SWAP70: variants seen among roughly 807,000 people sequenced by gnomAD.
The protein encoded by SWAP70 is switching B cell complex subunit SWAP70, also known as switch-associated protein 70.
Under a neutral mutation model 80.2 loss-of-function variants are expected in SWAP70, and 34 were observed. The ratio of observed to expected loss-of-function variants is 0.42; its 90% CI spans 0.32 to 0.56. The LOEUF is 0.56. Ranked by LOEUF, SWAP70 falls within the 20% of genes least tolerant of loss-of-function variation. The pLI, the probability that SWAP70 is intolerant of heterozygous loss-of-function variation, is 0.09. For synonymous variants in SWAP70, 239 were observed against 238.5 expected, an observed-to-expected ratio of 1.00 and a Z score of -0.02; for missense variants, 578 against 690.7, an observed-to-expected ratio of 0.84 and a Z score of 1.83.
intron 2 of SWAP70, among the ~76,000 whole-genome samples, chr11:9,710,669 T>A (rs11604967): frequency 0.22 from 33,691 of 151,194 alleles, 4,835 homozygotes; most frequent in Non-Finnish European, 0.32. Flanking sequence ...TTTTTTTTTT[T>A]AATTTTCAAA....
At chr11:9,712,034 C>T (rs899680424) in intron 2 of SWAP70, among the ~76,000 whole-genome samples, 1 of 152,134 alleles carries the variant, frequency 6.6e-6, no homozygotes, top group African/African-American at 2.4e-5. Context: ...ATCTGTTTGA[C>T]TCTTGATGCT....
At chr11:9,672,211 A>G (rs1850425834) in intron 1 of SWAP70, among the ~76,000 whole-genome samples, 2 of 130,838 alleles carry the variant, frequency 1.5e-5, no homozygotes, top group African/African-American at 2.8e-5. Flanking sequence ...ATATATATAT[A>G]TATATATATA....
At chr11:9,671,609 G>T (rs373185283) in intron 1 of SWAP70, among the ~76,000 whole-genome samples, 158 of 15,460 alleles carry the variant, frequency 0.01, 10 homozygotes, top group Middle Eastern at 0.1. Flanking sequence ...TATTTATATA[G>T]AAATATATTT....
intron 7 of SWAP70, among the ~76,000 whole-genome samples, chr11:9,737,213 G>A (rs762675587): frequency 8.5e-5 from 13 of 152,182 alleles, no homozygotes; most frequent in Admixed American, 2.0e-4. Context: ...CCCCTCCCAG[G>A]AAGGTATCAT....
chr11:9,719,271 G>A lies in SWAP70; in HGVS notation c.415-5387G>A, dbSNP rs113876192. On this transcript the variant is annotated intron_variant, in intron 3 of 11. Coordinates refer to ENST00000318950, the MANE Select transcript of SWAP70 (RefSeq NM_015055.4). The stretch of plus-strand genomic sequence containing the variant: ...AATATAAAAAATTAGCCAGGCAGGG[G>A]TGCTGAAGTGGGAGAATCGCTTTAG... Among the ~76,000 whole-genome samples, 682 of 151,914 alleles carry A rather than the reference G, an allele frequency of 4.5e-3. 4 individuals are homozygous for A. The highest frequency in any genetic ancestry group is 0.016 in the African/African-American group (646 of 41,432).
At chr11:9,722,529 C>G (rs1469263357) in intron 3 of SWAP70, among the ~76,000 whole-genome samples, 1 of 152,128 alleles carries the variant, frequency 6.6e-6, no homozygotes, top group Non-Finnish European at 1.5e-5. Flanking sequence ...GATTTTTGGT[C>G]CTTTGGTTGG....
chr11:9,687,443 T>C (rs1232683930), intron 1 of SWAP70, among the ~76,000 whole-genome samples: 3 of 152,248 alleles, frequency 2.0e-5, no homozygotes, highest in African/African-American at 7.2e-5. Context: ...TCCACAAGAA[T>C]GATTTGAATA....
At chr11:9,689,516 T>C (rs1850670392) in intron 1 of SWAP70, among the ~76,000 whole-genome samples, 1 of 152,248 alleles carries the variant, frequency 6.6e-6, no homozygotes, top group South Asian at 2.1e-4. Flanking sequence ...TTAGCAATTA[T>C]GTGGGTGCTG....
chr11:9,736,384 T>C (rs979887711), intron 7 of SWAP70, among the ~76,000 whole-genome samples: 8 of 144,704 alleles, frequency 5.5e-5, no homozygotes, highest in Admixed American at 2.1e-4. Context: ...GCCTGCTTTT[T>C]CCCTGTATAT....
intron 3 of SWAP70, among the ~76,000 whole-genome samples, chr11:9,723,131 T>C (rs1851161539): frequency 6.6e-6 from 1 of 152,086 alleles, no homozygotes; most frequent in South Asian, 2.1e-4. Flanking sequence ...CTGGCTTTTG[T>C]TTTAGAAAAA....
In SWAP70 at chr11:9,728,062, A is replaced by C; in HGVS notation, c.652A>C (p.Met218Leu). 6.2e-7 allele frequency: 1 copy of C among 1,606,056 alleles called. No homozygotes were observed. Among genetic ancestry groups the C allele is most frequent in the South Asian group, 1.1e-5 (1 of 89,612 alleles). ...ILDVLKQGYMMKKGHRRKNWT... is the reference protein window; with the variant it reads ...ILDVLKQGYMLKKGHRRKNWT... ...ATTTAATCTTTCACAGGGTTACATG[A>C]TGAAAAAGGGCCACAGACGGAAAAA... is the stretch of plus-strand genomic sequence containing the variant. The change falls in exon 5 of 12, where the codon ATG becomes CTG. Residue 218 changes from methionine to leucine, a missense_variant. Met to Leu is a conservative substitution (Grantham distance 15, BLOSUM62 2). Coordinates refer to ENST00000318950, the MANE Select transcript of SWAP70 (RefSeq NM_015055.4).
chr11:9,739,220 C>G (rs1851404143), intron 8 of SWAP70, among the ~76,000 whole-genome samples: 1 of 152,200 alleles, frequency 6.6e-6, no homozygotes, highest in African/African-American at 2.4e-5. Context: ...TTAGCTGGAA[C>G]ACAGGTCTTC....
At chr11:9,673,036 TCAGTTCTG>T (rs1301414588) in intron 1 of SWAP70, among the ~76,000 whole-genome samples, 1 of 152,124 alleles carries the variant, frequency 6.6e-6, no homozygotes, top group Non-Finnish European at 1.5e-5. Flanking sequence ...AAGTAAGCAA[TCAGTTCTG>T]CAGTGGACAC....
chr11:9,667,027 T>G (rs187888947), intron 1 of SWAP70, among the ~76,000 whole-genome samples: 4 of 152,020 alleles, frequency 2.6e-5, no homozygotes, highest in South Asian at 4.2e-4. Flanking sequence ...CTGACTAATT[T>G]TTTTGTGTGT....
intron 2 of SWAP70, among the ~76,000 whole-genome samples, chr11:9,705,030 A>G (rs72484737): frequency 0.07 from 9,968 of 142,104 alleles, 998 homozygotes; most frequent in African/African-American, 0.19. Flanking sequence ...GGTGATCTGT[A>G]TACACTTGGT....
intron 1 of SWAP70, among the ~76,000 whole-genome samples, chr11:9,670,854 C>T (rs781605233): frequency 5.5e-4 from 83 of 151,628 alleles, no homozygotes; most frequent in Non-Finnish European, 9.3e-4. Context: ...CCTGGGTTCA[C>T]GCCATTCTCC....
intron 2 of SWAP70, among the ~76,000 whole-genome samples, chr11:9,699,866 G>GTGTA (rs139838521): frequency 1.4e-4 from 20 of 144,142 alleles, no homozygotes; most frequent in African/African-American, 2.6e-4. Flanking sequence ...TGTATAGTGT[G>GTGTA]TATATATATA....
intron 2 of SWAP70, among the ~76,000 whole-genome samples, chr11:9,695,670 G>A (rs761588694): frequency 1.5e-3 from 235 of 152,040 alleles, no homozygotes; most frequent in Non-Finnish European, 8.1e-4. Flanking sequence ...AATAGGTGCA[G>A]CAAACCACCA....
rs758676027 is a variant in SWAP70 at position 9,740,229 on chromosome 11, G to A, written c.1237G>A (p.Glu413Lys). 6.2e-7 allele frequency: 1 copy of A among 1,614,214 alleles called. No individual in the cohort carries two copies. The highest frequency in any genetic ancestry group is 8.5e-7 in the Non-Finnish European group (1 of 1,180,034). ...EQVAQKSSEL[E>K]QYLQRVRELE... ...GGTTGCTCAAAAGTCCTCTGAACTG[G>A]AACAGTATTTACAGCGAGTACGGGA... Residue 413 changes from glutamate (E) to lysine (K), a missense_variant, in exon 9 of 12, where the codon GAA becomes AAA. Transcript: ENST00000318950.
Sources: gnomAD v4.1 joint callset for allele counts (sites outside exome capture counted in the v4.1 genomes callset) on GRCh38, gnomAD v4.1.1 for gene constraint, MANE v1.5 for transcripts, NCBI Gene and HGNC (gene_info 2026-07-23, HGNC 2026-07-21) for gene names.